The following VPS53 variants were observed in gnomAD, a reference collection of about 807,000 sequenced individuals.
VPS53 encodes VPS53 subunit of GARP complex, also known as vacuolar protein sorting-associated protein 53 homolog.
A neutral mutation model predicts 107.0 loss-of-function variants in VPS53; 70 were observed. That is an observed-to-expected ratio of 0.65 (90% confidence interval 0.54 to 0.80). The LOEUF is 0.80. Among genes scored for constraint, VPS53 ranks in the 30% least tolerant of loss-of-function variants. The pLI, the probability that VPS53 is intolerant of heterozygous loss-of-function variation, is 0.00. For missense variants in VPS53, 917 were observed against 1,049.4 expected (o/e 0.87, Z 1.74); for synonymous variants, 409 against 393.3 (o/e 1.04, Z -0.47).
chr17:677,013 C>T (rs1972193327), intron 4 of VPS53, among the ~76,000 whole-genome samples: 1 of 152,054 alleles, frequency 6.6e-6, no homozygotes, highest in Non-Finnish European at 1.5e-5. Context: ...TATGAAAGTT[C>T]AGAACAATAT....
chr17:598,704 G>C (rs1968132286), intron 12 of VPS53, among the ~76,000 whole-genome samples: 1 of 122,190 alleles, frequency 8.2e-6, no homozygotes, highest in African/African-American at 2.7e-5. Context: ...CGTCTGAGAA[G>C]TGAGGAGACC....
intron 13 of VPS53, among the ~76,000 whole-genome samples, chr17:571,653 C>A (rs1914100671): frequency 1.3e-5 from 2 of 152,214 alleles, no homozygotes; most frequent in South Asian, 4.1e-4. Context: ...CCTGATTCTC[C>A]TGCCTCAGCC....
intron 11 of VPS53, among the ~76,000 whole-genome samples, chr17:619,626 ACACCCCGCTAATATTTCCCGGGTAGC>A (rs1969369474): frequency 1.6e-5 from 1 of 62,068 alleles, no homozygotes. Flanking sequence ...GTGCACCACC[ACACCCCGCTAATATTTCCCGGGTAGC>A]TGGGACTACA....
intron 4 of VPS53, among the ~76,000 whole-genome samples, chr17:672,124 A>ACACAC (rs1971976307): frequency 6.8e-6 from 1 of 147,560 alleles, no homozygotes; most frequent in African/African-American, 2.5e-5. Flanking sequence ...ACACACACAC[A>ACACAC]CACACACACA....
chr17:617,008 G>T (rs1392321316), intron 11 of VPS53, among the ~76,000 whole-genome samples: 1 of 152,124 alleles, frequency 6.6e-6, no homozygotes, highest in South Asian at 2.1e-4. Context: ...AGCCAGAGAG[G>T]GTGAAGAATG....
chr17:542,676 T>A (rs1325224561), intron 17 of VPS53, among the ~76,000 whole-genome samples: 1 of 152,210 alleles, frequency 6.6e-6, no homozygotes, highest in African/African-American at 2.4e-5. Flanking sequence ...TAAGTTTTAT[T>A]CTTTTTTTCA....
chr17:531,505 C>CTT (rs554021532), intron 19 of VPS53, among the ~76,000 whole-genome samples: 2 of 146,960 alleles, frequency 1.4e-5, no homozygotes, highest in African/African-American at 2.5e-5. Flanking sequence ...TTAAAAGACT[C>CTT]TTTTTTTTTT....
intron 8 of VPS53, 21 bp from the exon 9 acceptor site, chr17:628,252 C>G: frequency 6.2e-7 from 1 of 1,611,270 alleles, no homozygotes; most frequent in Non-Finnish European, 8.5e-7. Flanking sequence ...AAACATGTAC[C>G]AGGTGAAAAG....
intron 11 of VPS53, among the ~76,000 whole-genome samples, chr17:618,959 G>C (rs1969306793): frequency 6.8e-6 from 1 of 147,484 alleles, no homozygotes; most frequent in Admixed American, 6.8e-5. Context: ...ATATTTCCTG[G>C]GTAGCTGGGA....
In VPS53 at chr17:543,524, G is replaced by A. The variant is rs1910868935; in HGVS notation, c.1867-6348C>T. 2.0e-5 allele frequency among the ~76,000 whole-genome samples: 3 copies of A among 152,062 alleles called. No individual in the cohort carries two copies. In the South Asian group the frequency reaches 6.2e-4, roughly 32 times the overall value. ...TACCTGAGTGATGTGAGCAGCCCTAGGAAAAGGCACGGAGAGAGGCGGGGA... is the reference window on the plus strand; with the variant it reads ...TACCTGAGTGATGTGAGCAGCCCTAAGAAAAGGCACGGAGAGAGGCGGGGA... On this transcript the variant is annotated intron_variant, in intron 17 of 21. Transcript: ENST00000437048.
chr17:622,194 G>C (rs1366178055), intron 11 of VPS53, among the ~76,000 whole-genome samples: 5 of 151,886 alleles, frequency 3.3e-5, no homozygotes, highest in Non-Finnish European at 1.5e-5. Context: ...CCTGCTGACA[G>C]AGCAAGACTC....
At chr17:627,993 T>C in intron 9 of VPS53, 95 bp downstream of exon 9, 6 of 1,237,486 alleles carry the variant, frequency 4.8e-6, no homozygotes, top group Middle Eastern at 2.8e-4. Flanking sequence ...TGTCAGACAG[T>C]CATGTAATAC....
At chr17:664,986 A>G (rs145450196) in intron 4 of VPS53, among the ~76,000 whole-genome samples, 6 of 152,180 alleles carry the variant, frequency 3.9e-5, no homozygotes, top group Non-Finnish European at 4.4e-5. Context: ...GCTGGAAGTG[A>G]AGAGTCCCAT....
chr17:651,484 G>C (rs1970946527), intron 7 of VPS53, among the ~76,000 whole-genome samples: 1 of 152,070 alleles, frequency 6.6e-6, no homozygotes, highest in Non-Finnish European at 1.5e-5. Context: ...CCAGCTGCTT[G>C]GGAAACTGTG....
At chr17:577,916 T>C (rs550919834) in intron 13 of VPS53, among the ~76,000 whole-genome samples, 2 of 151,888 alleles carry the variant, frequency 1.3e-5, no homozygotes, top group South Asian at 4.2e-4. Context: ...ACCTAATGCG[T>C]TCCCAAAGAT....
chr17:600,932 A>AT (rs1968297244), intron 12 of VPS53: 1 of 152,268 alleles, frequency 6.6e-6, no homozygotes, highest in African/African-American at 2.4e-5. Context: ...TGATTGCATC[A>AT]TTTCAGAACT....
chr17:689,135 A>G (rs925423181), intron 4 of VPS53, among the ~76,000 whole-genome samples: 1 of 152,192 alleles, frequency 6.6e-6, no homozygotes, highest in African/African-American at 2.4e-5. Flanking sequence ...TTCAATTTTT[A>G]TCAATCAATG....
intron 4 of VPS53, among the ~76,000 whole-genome samples, chr17:666,966 T>C (rs1329558817): frequency 6.6e-6 from 1 of 151,268 alleles, no homozygotes; most frequent in Non-Finnish European, 1.5e-5. Flanking sequence ...AACAGGGAAG[T>C]TGTTGGTGAC....
chr17:522,851 C>G (rs967616633), intron 19 of VPS53: 6 of 152,192 alleles, frequency 3.9e-5, no homozygotes, highest in South Asian at 2.1e-4. Context: ...TGAGTAAAGC[C>G]TTACCTACCC....
Sources: gnomAD v4.1 joint callset for allele counts (sites outside exome capture counted in the v4.1 genomes callset) on GRCh38, gnomAD v4.1.1 for gene constraint, MANE v1.5 for transcripts, NCBI Gene and HGNC (gene_info 2026-07-23, HGNC 2026-07-21) for gene names.